The following SUPT16H variants were observed in gnomAD, a reference collection of about 807,000 sequenced individuals.
SUPT16H encodes SPT16 homolog, facilitates chromatin remodeling subunit.
In SUPT16H, 24 loss-of-function variants were observed where a neutral mutation model predicts 136.2. The observed-to-expected ratio is 0.18, with a 90% CI of 0.13 to 0.25. The LOEUF (loss-of-function observed/expected upper bound fraction) is 0.25, where lower values mean the gene tolerates loss of function less well. Among genes scored for constraint, SUPT16H ranks in the 10% least tolerant of loss-of-function variants. The pLI, the probability that SUPT16H is intolerant of heterozygous loss-of-function variation, is 1.00. For synonymous variants in SUPT16H, 415 were observed against 428.2 expected, an observed-to-expected ratio of 0.97 and a Z score of 0.38; for missense variants, 623 against 1,270.2, an observed-to-expected ratio of 0.49 and a Z score of 7.74.
At chr14:21,366,556 T>TA in intron 7 of SUPT16H, 27 bp from the exon 8 acceptor site, 1 of 1,589,940 alleles carries the variant, frequency 6.3e-7, no homozygotes, top group Non-Finnish European at 8.6e-7. Context: ...AAGGAGATAT[T>TA]AAAGTATCTT....
intron 2 of SUPT16H, 34 bp downstream of exon 2, chr14:21,373,304 C>T: frequency 1.3e-6 from 2 of 1,517,210 alleles, no homozygotes; most frequent in Non-Finnish European, 1.8e-6. Context: ...AATCCAACAA[C>T]TCTAAGAGCT....
intron 25 of SUPT16H, 128 bp from the exon 26 acceptor site, chr14:21,352,946 T>G (rs1040047825): frequency 8.1e-7 from 1 of 1,233,798 alleles, no homozygotes; most frequent in Non-Finnish European, 1.1e-6. Context: ...GGGCAAGTAC[T>G]TTCTGAACCT....
intron 1 of SUPT16H, among the ~76,000 whole-genome samples, chr14:21,377,611 T>C (rs1169078904): frequency 9.4e-6 from 1 of 106,576 alleles, no homozygotes; most frequent in African/African-American, 3.1e-5. Context: ...ACAGTGGAGC[T>C]AGTGGTGAGC....
intron 24 of SUPT16H, 49 bp from the exon 25 acceptor site, chr14:21,353,614 A>T: frequency 6.2e-7 from 1 of 1,607,592 alleles, no homozygotes; most frequent in Non-Finnish European, 8.5e-7. Context: ...AACAGAATGG[A>T]ACGACAGAGT....
At chr14:21,365,021 T>C (rs751274250) in intron 9 of SUPT16H, 49 bp downstream of exon 9, 1 of 1,607,916 alleles carries the variant, frequency 6.2e-7, no homozygotes, top group East Asian at 2.2e-5. Context: ...AAAATAAAGC[T>C]AAAGGAAGTA....
chr14:21,363,352 A>T lies in SUPT16H; in HGVS notation c.1300-24T>A, dbSNP rs367625939. The T allele has an allele frequency of 6.3e-6, 10 of 1,597,880 alleles. No homozygotes were observed. The African/African-American group carries it at 1.1e-4, about 17-fold the overall frequency. ...TTCTATGGAAAAAGTCATAATCAAA[A>T]AATGAAATTTTAATTATTTTAGCCA... On this transcript the variant is annotated intron_variant, in intron 11 of 25. Transcript: ENST00000216297.
intron 20 of SUPT16H, 149 bp from the exon 21 acceptor site, chr14:21,358,151 C>T: frequency 1.2e-6 from 1 of 813,154 alleles, no homozygotes; most frequent in South Asian, 1.8e-5. Flanking sequence ...GAGTTAGCCA[C>T]TCACCTAAAC....
At position 21,359,538 on chromosome 14, in the gene SUPT16H, C is replaced by T. The variant is rs1886506488; in HGVS notation, c.2247G>A (p.Thr749=). Reference sequence around the variant, plus strand: ...GCATATGCTGATGTTTCCCCAAGTCCGTGGTTATCTCTCCCACTTCTGTGT... The same window carrying T: ...GCATATGCTGATGTTTCCCCAAGTCTGTGGTTATCTCTCCCACTTCTGTGT... ...QFYTEVGEIT[T]DLGKHQHMHD... is the part of the protein sequence containing the mutation. Residue 749 remains threonine (T), a synonymous_variant, in exon 19 of 26, where the codon ACG becomes ACA. Coordinates refer to ENST00000216297, the MANE Select transcript of SUPT16H (RefSeq NM_007192.4). 3.1e-6 allele frequency: 5 copies of T among 1,614,190 alleles called. No individual in the cohort carries two copies. Among genetic ancestry groups the T allele is most frequent in the East Asian group, 2.2e-5 (1 of 44,886 alleles).
intron 25 of SUPT16H, 47 bp from the exon 26 acceptor site, chr14:21,352,865 A>G (rs1566379100): frequency 6.2e-7 from 1 of 1,612,790 alleles, no homozygotes; most frequent in Non-Finnish European, 8.5e-7. Context: ...AGCTTTAGGT[A>G]CCTAATATTA....
intron 6 of SUPT16H, among the ~76,000 whole-genome samples, 154 bp from the exon 7 acceptor site, chr14:21,368,595 A>C (rs1314251076): frequency 6.6e-6 from 1 of 152,220 alleles, no homozygotes; most frequent in Non-Finnish European, 1.5e-5. Context: ...TTTTGTTTTA[A>C]ATAAACTAAC....
intron 25 of SUPT16H, 42 bp from the exon 26 acceptor site, chr14:21,352,860 T>C (rs1172751082): frequency 6.2e-6 from 10 of 1,613,300 alleles, no homozygotes; most frequent in Non-Finnish European, 8.5e-6. Context: ...AGGTAAGCTT[T>C]AGGTACCTAA....
At chr14:21,369,592 G>A in intron 5 of SUPT16H, 158 bp downstream of exon 5, 1 of 1,069,906 alleles carries the variant, frequency 9.3e-7, no homozygotes, top group South Asian at 1.6e-5. Context: ...ACATAACGCA[G>A]GCTTACCATT....
At position 21,352,661 on chromosome 14, in the gene SUPT16H, A is replaced by G. The variant is rs370029425; in HGVS notation, c.*12T>C. On this transcript the variant is annotated 3_prime_UTR_variant, in exon 26 of 26. Coordinates refer to ENST00000216297, the MANE Select transcript of SUPT16H (RefSeq NM_007192.4). ...TGGAGGAAGAATGGAGCTCAGGGCCAAAGTTCAGAAGTTACTTCCTCTTTT... is the reference window on the plus strand; with the variant it reads ...TGGAGGAAGAATGGAGCTCAGGGCCGAAGTTCAGAAGTTACTTCCTCTTTT... The G allele has an allele frequency of 5.1e-4, 831 of 1,613,884 alleles. No individual in the cohort carries two copies. The highest frequency in any genetic ancestry group is 6.8e-4 in the Non-Finnish European group (797 of 1,179,982).
intron 1 of SUPT16H, among the ~76,000 whole-genome samples, chr14:21,374,468 T>C (rs1447013949): frequency 6.6e-6 from 1 of 152,256 alleles, no homozygotes; most frequent in Non-Finnish European, 1.5e-5. Context: ...TTAATCTCTA[T>C]GTCCTTGAGT....
chr14:21,372,272 T>C lies in SUPT16H; in HGVS notation c.160-228A>G, dbSNP rs1886803123. On this transcript the variant is annotated intron_variant, in intron 2 of 25. Coordinates refer to ENST00000216297, the MANE Select transcript of SUPT16H (RefSeq NM_007192.4). ...CAATGTATTATTTTCTCTACGTTTATATGCTTGAACTTTCTATAATTAAAA... is the reference window on the plus strand; with the variant it reads ...CAATGTATTATTTTCTCTACGTTTACATGCTTGAACTTTCTATAATTAAAA... The C allele has an allele frequency of 1.2e-5, 6 of 482,372 alleles. No individual in the cohort carries two copies. The Admixed American group carries it at 1.9e-4, about 16-fold the overall frequency. 29.9% of individuals were successfully genotyped at this position (482,372 alleles called of 1,614,324 possible). A position where few individuals can be genotyped will look rare whatever the true frequency, so the allele number is the denominator to read the frequency against.
chr14:21,363,051 T>C lies in SUPT16H; in HGVS notation c.1494A>G (p.Gly498=). The part of the protein sequence containing the change: ...EAKRRLTEQK[G]EQQIQKARKS... ...ACTCTTACTTCTGAATCTGCTGTTC[T>C]CCCTTTTGTTCAGTCAATCGCCTCT... The change falls in exon 13 of 26, where the codon GGA becomes GGG. Residue 498 remains glycine, a synonymous_variant. Coordinates refer to ENST00000216297, the MANE Select transcript of SUPT16H (RefSeq NM_007192.4). 6.2e-7 allele frequency: 1 copy of C among 1,614,054 alleles called. No individual in the cohort carries two copies. Among genetic ancestry groups the C allele is most frequent in the Non-Finnish European group, 8.5e-7 (1 of 1,180,032 alleles).
At chr14:21,368,236 A>C (rs747346056) in intron 7 of SUPT16H, 33 bp downstream of exon 7, 4 of 1,586,030 alleles carry the variant, frequency 2.5e-6, no homozygotes. Context: ...TTTGTTACAC[A>C]ACTTTCAAAC....
At chr14:21,353,915 C>G (rs1033094240) in intron 23 of SUPT16H, 83 bp from the exon 24 acceptor site, 4 of 1,332,802 alleles carry the variant, frequency 3.0e-6, no homozygotes, top group African/African-American at 2.9e-5. Context: ...ACATAGTATA[C>G]CAGTATTTAC....
At position 21,354,401 on chromosome 14, in the gene SUPT16H, A is replaced by C; in HGVS notation, c.2790+10T>G. On this transcript the variant is annotated intron_variant, in intron 23 of 25. Transcript: ENST00000216297. Reference sequence around the variant, plus strand: ...CTGTGTACCAGAAAAGAAACCCCACACTCACGCACCTCACCCTCAGGCTCC... The same window carrying C: ...CTGTGTACCAGAAAAGAAACCCCACCCTCACGCACCTCACCCTCAGGCTCC... 1.2e-6 allele frequency: 2 copies of C among 1,613,054 alleles called. No homozygotes were observed. Among genetic ancestry groups the C allele is most frequent in the Non-Finnish European group, 1.7e-6 (2 of 1,179,546 alleles).
Sources: allele counts gnomAD v4.1 joint callset (sites outside exome capture counted in the v4.1 genomes callset), GRCh38; gene constraint gnomAD v4.1.1; transcripts MANE v1.5; gene names NCBI Gene and HGNC (gene_info 2026-07-23, HGNC 2026-07-21).